FBXO34: variants seen among roughly 807,000 people sequenced by gnomAD.
The protein encoded by FBXO34 is F-box protein 34.
Under a neutral mutation model 24.5 loss-of-function variants are expected in FBXO34, and 12 were observed. The observed-to-expected ratio is 0.49, with a 90% CI of 0.31 to 0.79. The LOEUF (loss-of-function observed/expected upper bound fraction) is 0.79, where lower values mean the gene tolerates loss of function less well. Among genes scored for constraint, FBXO34 ranks in the 30% least tolerant of loss-of-function variants. The pLI, the probability that FBXO34 is intolerant of heterozygous loss-of-function variation, is 0.04. For missense variants in FBXO34, 823 were observed against 857.7 expected, an observed-to-expected ratio of 0.96 and a Z score of 0.51; for synonymous variants, 320 against 311.9, an observed-to-expected ratio of 1.03 and a Z score of -0.27.
chr14:55,288,752 A>G (rs992604207), intron 1 of FBXO34, among the ~76,000 whole-genome samples: 6 of 152,186 alleles, frequency 3.9e-5, no homozygotes, highest in African/African-American at 1.4e-4. Context: ...ATGATGAGAA[A>G]TGAAAAAAAT....
chr14:55,278,983 A>G (rs575392628), intron 1 of FBXO34, among the ~76,000 whole-genome samples: 15 of 151,742 alleles, frequency 9.9e-5, no homozygotes, highest in African/African-American at 3.6e-4. Flanking sequence ...CACCATGCCC[A>G]CCCTGTTTCT....
At chr14:55,381,372 C>T in the FBXO34 span, among the ~76,000 whole-genome samples, 1 of 152,158 alleles carries the variant, frequency 6.6e-6, no homozygotes, top group African/African-American at 2.4e-5. Context: ...ACTACTAAAA[C>T]ACATTACAAA....
chr14:55,390,869 A>G, the FBXO34 span: 2 of 1,354,764 alleles, frequency 1.5e-6, no homozygotes, highest in Non-Finnish European at 2.1e-6. Context: ...AATTCCACAT[A>G]GGCACTTTCT....
the FBXO34 span, among the ~76,000 whole-genome samples, chr14:55,422,528 C>T: frequency 2.0e-5 from 3 of 152,124 alleles, no homozygotes; most frequent in Admixed American, 1.3e-4. Flanking sequence ...GGATTACAGG[C>T]GTGAGCCACC....
the FBXO34 span, chr14:55,424,206 G>A: frequency 2.5e-6 from 4 of 1,613,138 alleles, no homozygotes; most frequent in South Asian, 3.3e-5. Flanking sequence ...CACAATTCGT[G>A]GTTTTACCAT....
At chr14:55,338,425 A>G (rs1027863058) in intron 1 of FBXO34, among the ~76,000 whole-genome samples, 4 of 152,014 alleles carry the variant, frequency 2.6e-5, no homozygotes, top group African/African-American at 9.7e-5. Flanking sequence ...CAGTTTCTTC[A>G]TCTACAGTTG....
chr14:55,430,805 C>T, the FBXO34 span, among the ~76,000 whole-genome samples: 1 of 152,194 alleles, frequency 6.6e-6, no homozygotes, highest in South Asian at 2.1e-4. Context: ...AAGGCCATGT[C>T]CCCAGGTTAG....
chr14:55,378,778 A>G, the FBXO34 span, among the ~76,000 whole-genome samples: 1 of 152,090 alleles, frequency 6.6e-6, no homozygotes. Context: ...AGCTCACTAC[A>G]GCCTGCAGCC....
the FBXO34 span, among the ~76,000 whole-genome samples, chr14:55,408,559 C>T: frequency 6.6e-6 from 1 of 152,144 alleles, no homozygotes; most frequent in Non-Finnish European, 1.5e-5. Flanking sequence ...ACTGCTCAGC[C>T]CACAGGTTCG....
chr14:55,399,859 A>G, the FBXO34 span, among the ~76,000 whole-genome samples: 1 of 152,254 alleles, frequency 6.6e-6, no homozygotes, highest in Non-Finnish European at 1.5e-5. Flanking sequence ...TTGGGAAGAC[A>G]GACAACTGTG....
chr14:55,433,467 T>TA, the FBXO34 span, among the ~76,000 whole-genome samples: 9 of 152,156 alleles, frequency 5.9e-5, no homozygotes, highest in Admixed American at 5.2e-4. Flanking sequence ...TCAGTATTTA[T>TA]AGGAGTGTTT....
At chr14:55,329,952 G>A (rs1345521481) in intron 1 of FBXO34, among the ~76,000 whole-genome samples, 1 of 151,572 alleles carries the variant, frequency 6.6e-6, no homozygotes, top group Non-Finnish European at 1.5e-5. Flanking sequence ...CTCTACTACT[G>A]GTGTTCCTCT....
At chr14:55,376,321 G>A in the FBXO34 span, among the ~76,000 whole-genome samples, 4 of 152,206 alleles carry the variant, frequency 2.6e-5, no homozygotes, top group Non-Finnish European at 4.4e-5. Context: ...CCTAATTTGA[G>A]CCCTTTACAG....
At chr14:55,424,476 A>G in the FBXO34 span, among the ~76,000 whole-genome samples, 1 of 152,198 alleles carries the variant, frequency 6.6e-6, no homozygotes, top group Non-Finnish European at 1.5e-5. Context: ...CACAAGTGCA[A>G]GCTATCCTGG....
chr14:55,306,814 C>A (rs1168895839), intron 1 of FBXO34, among the ~76,000 whole-genome samples: 5 of 143,986 alleles, frequency 3.5e-5, no homozygotes, highest in Admixed American at 2.2e-4. Context: ...GCCTGGGTGA[C>A]AAAGCGAGAC....
intron 1 of FBXO34, among the ~76,000 whole-genome samples, chr14:55,343,519 G>T (rs144542132): frequency 0.014 from 2,151 of 152,210 alleles, 58 homozygotes; most frequent in African/African-American, 0.049. Context: ...AAAGTGCTGG[G>T]ATTACTAGCG....
chr14:55,296,391 G>GTTTTTTTT (rs1167344634), intron 1 of FBXO34, among the ~76,000 whole-genome samples: 81 of 64,738 alleles, frequency 1.3e-3, no homozygotes, highest in East Asian at 4.2e-3. Context: ...TGTTTTTTTT[G>GTTTTTTTT]TTTTTTTTTT....
chr14:55,416,557 T>C, the FBXO34 span, among the ~76,000 whole-genome samples: 4 of 152,238 alleles, frequency 2.6e-5, no homozygotes, highest in Admixed American at 6.5e-5. Flanking sequence ...AGTGAGTTAC[T>C]GACACACATA....
At chr14:55,369,839 C>CCGCTCTCATCTG (rs1419349784), downstream of FBXO34, 1 of 1,614,052 alleles carries the variant, frequency 6.2e-7, no homozygotes, top group African/African-American at 1.3e-5. Context: ...GCGCTCATCT[C>CCGCTCTCATCTG]CGCTCTCATC....
Sources: allele counts gnomAD v4.1 joint callset (sites outside exome capture counted in the v4.1 genomes callset), GRCh38; gene constraint gnomAD v4.1.1; transcripts MANE v1.5; gene names NCBI Gene and HGNC (gene_info 2026-07-23, HGNC 2026-07-21).